Variants in RSRC1 observed in about 807,000 individuals in gnomAD.
RSRC1 encodes the protein arginine and serine rich coiled-coil 1.
In RSRC1, 39 loss-of-function variants were observed where a neutral mutation model predicts 49.1. The observed-to-expected ratio is 0.79, with a 90% CI of 0.61 to 1.04. The LOEUF (loss-of-function observed/expected upper bound fraction) is 1.04. Ranked by LOEUF, RSRC1 falls within the 50% of genes least tolerant of loss-of-function variation. The probability of loss-of-function intolerance (pLI) is 0.00; values close to 1 mark genes in which losing one functional copy is unlikely to be tolerated. For synonymous variants in RSRC1, 143 were observed against 130.8 expected (o/e 1.09, Z -0.63); for missense variants, 388 against 402.4 (o/e 0.96, Z 0.31).
intron 3 of RSRC1, among the ~76,000 whole-genome samples, chr3:158,181,518 G>C (rs1183079532): frequency 6.6e-6 from 1 of 152,104 alleles, no homozygotes; most frequent in African/African-American, 2.4e-5. Context: ...TATGCTTTTT[G>C]TTGGAAAATT....
intron 4 of RSRC1, among the ~76,000 whole-genome samples, chr3:158,289,144 C>A (rs866574676): frequency 9.2e-5 from 14 of 152,178 alleles, no homozygotes; most frequent in African/African-American, 3.4e-4. Context: ...TAAAAGACCT[C>A]TTTTATTGGT....
At chr3:158,190,626 AT>A (rs201426607) in intron 3 of RSRC1, among the ~76,000 whole-genome samples, 12,750 of 139,496 alleles carry the variant, frequency 0.091, 606 homozygotes, top group South Asian at 0.14. Flanking sequence ...TTTTCCTGGA[AT>A]TTTTTTTTTT....
intron 6 of RSRC1, among the ~76,000 whole-genome samples, chr3:158,355,586 A>C (rs1194918953): frequency 2.0e-5 from 3 of 151,946 alleles, no homozygotes; most frequent in African/African-American, 7.2e-5. Flanking sequence ...TTATTTCTCA[A>C]GGTACTATAA....
chr3:158,523,914 A>T (rs1029030601), intron 7 of RSRC1, among the ~76,000 whole-genome samples: 4 of 152,066 alleles, frequency 2.6e-5, no homozygotes, highest in African/African-American at 4.8e-5. Flanking sequence ...AGCTAACAAG[A>T]AAATGCCTTG....
At chr3:158,367,743 A>G (rs887613971) in intron 6 of RSRC1, among the ~76,000 whole-genome samples, 2 of 152,126 alleles carry the variant, frequency 1.3e-5, no homozygotes, top group Admixed American at 1.3e-4. Context: ...AGTTTAGTTG[A>G]CTTGGACATT....
intron 4 of RSRC1, among the ~76,000 whole-genome samples, chr3:158,292,543 T>C (rs1726997573): frequency 1.3e-5 from 2 of 152,160 alleles, no homozygotes; most frequent in African/African-American, 4.8e-5. Flanking sequence ...TATAATTGAA[T>C]TAAGTCTGCT....
chr3:158,190,020 T>C (rs1308470214), intron 3 of RSRC1, among the ~76,000 whole-genome samples: 2 of 151,768 alleles, frequency 1.3e-5, no homozygotes, highest in Non-Finnish European at 2.9e-5. Flanking sequence ...TTGGCTGGAG[T>C]ACATGGCCAA....
At chr3:158,172,000 TAATTC>T (rs1718908928) in intron 3 of RSRC1, among the ~76,000 whole-genome samples, 1 of 151,702 alleles carries the variant, frequency 6.6e-6, no homozygotes, top group Non-Finnish European at 1.5e-5. Context: ...ATAAATGAAA[TAATTC>T]AATCTGAAGA....
At chr3:158,252,975 T>C (rs561267416) in intron 4 of RSRC1, among the ~76,000 whole-genome samples, 5 of 152,182 alleles carry the variant, frequency 3.3e-5, no homozygotes, top group African/African-American at 1.2e-4. Flanking sequence ...TCTTCTCTCT[T>C]TTTCTCTTAG....
At chr3:158,450,098 CA>C (rs998586214) in intron 6 of RSRC1, among the ~76,000 whole-genome samples, 21 of 152,048 alleles carry the variant, frequency 1.4e-4, no homozygotes, top group African/African-American at 5.1e-4. Flanking sequence ...CCTTGTAGTT[CA>C]TGCCTTCTTC....
chr3:158,368,424 G>C (rs1731893188), intron 6 of RSRC1, among the ~76,000 whole-genome samples: 1 of 152,116 alleles, frequency 6.6e-6, no homozygotes, highest in Admixed American at 6.5e-5. Context: ...TATAAATCCT[G>C]GGTAGGAATA....
intron 4 of RSRC1, among the ~76,000 whole-genome samples, chr3:158,206,691 AT>A (rs758889816): frequency 9.9e-5 from 15 of 152,128 alleles, no homozygotes; most frequent in Admixed American, 7.2e-4. Context: ...AGGCGGGTGG[AT>A]CACCTGAGGT....
chr3:158,266,519 A>G (rs1725187356), intron 4 of RSRC1, among the ~76,000 whole-genome samples: 1 of 152,170 alleles, frequency 6.6e-6, no homozygotes, highest in Non-Finnish European at 1.5e-5. Context: ...TTACTTGAAA[A>G]GAGTGAGCTT....
At chr3:158,283,808 T>A (rs1274442694) in intron 4 of RSRC1, among the ~76,000 whole-genome samples, 3 of 152,150 alleles carry the variant, frequency 2.0e-5, no homozygotes, top group Admixed American at 6.5e-5. Flanking sequence ...TATTTTCTGC[T>A]TCCACTGGCA....
At chr3:158,493,448 A>G (rs1184912858) in intron 7 of RSRC1, among the ~76,000 whole-genome samples, 1 of 152,174 alleles carries the variant, frequency 6.6e-6, no homozygotes, top group East Asian at 1.9e-4. Flanking sequence ...CATACCTCTC[A>G]TTTAGAGTTA....
At chr3:158,267,999 ACTGT>A (rs1725298790) in intron 4 of RSRC1, among the ~76,000 whole-genome samples, 3 of 151,780 alleles carry the variant, frequency 2.0e-5, no homozygotes, top group Non-Finnish European at 2.9e-5. Flanking sequence ...TCCTATAGGT[ACTGT>A]CTAATATTTC....
chr3:158,164,050 T>C (rs183476003), intron 3 of RSRC1, among the ~76,000 whole-genome samples: 1 of 152,326 alleles, frequency 6.6e-6, no homozygotes, highest in Non-Finnish European at 1.5e-5. Context: ...CTGTAAAGTA[T>C]ATTTTAAAAG....
intron 3 of RSRC1, among the ~76,000 whole-genome samples, chr3:158,173,077 C>T (rs1050655812): frequency 3.3e-5 from 5 of 151,788 alleles, no homozygotes; most frequent in African/African-American, 9.7e-5. Flanking sequence ...AATTTTTGCC[C>T]ACTGATTTAT....
At chr3:158,518,139 TATA>T (rs1740690817) in intron 7 of RSRC1, among the ~76,000 whole-genome samples, 2 of 116,360 alleles carry the variant, frequency 1.7e-5, no homozygotes, top group Non-Finnish European at 3.4e-5. Context: ...TATATATATA[TATA>T]TATATATTTT....
Sources: gnomAD v4.1 joint callset for allele counts (sites outside exome capture counted in the v4.1 genomes callset) on GRCh38, gnomAD v4.1.1 for gene constraint, MANE v1.5 for transcripts, NCBI Gene and HGNC (gene_info 2026-07-23, HGNC 2026-07-21) for gene names.